The following PAX5 variants were observed in gnomAD, a reference collection of about 807,000 sequenced individuals.
The protein encoded by PAX5 is paired box protein Pax-5.
Under a neutral mutation model 43.7 loss-of-function variants are expected in PAX5, and 9 were observed. That is an observed-to-expected ratio of 0.21 (90% confidence interval 0.12 to 0.36). The LOEUF (loss-of-function observed/expected upper bound fraction) is 0.36, where lower values mean the gene tolerates loss of function less well. Among genes scored for constraint, PAX5 ranks in the 10% least tolerant of loss-of-function variants. The pLI is 1.00. For missense variants in PAX5, 383 were observed against 532.7 expected (o/e 0.72, Z 2.77); for synonymous variants, 228 against 214.3 (o/e 1.06, Z -0.56).
intron 8 of PAX5, among the ~76,000 whole-genome samples, chr9:36,856,207 CT>C (rs1490913377): frequency 6.6e-6 from 1 of 152,226 alleles, no homozygotes; most frequent in Non-Finnish European, 1.5e-5. Flanking sequence ...GAGCCAGCCC[CT>C]TTCAGAGTCA....
intron 5 of PAX5, among the ~76,000 whole-genome samples, chr9:36,969,665 T>A (rs565038886): frequency 6.6e-6 from 1 of 152,206 alleles, no homozygotes; most frequent in Admixed American, 6.5e-5. Flanking sequence ...GAGTCAGCCA[T>A]AGCCTCTGCC....
rs1350171840 is a variant in PAX5, at chr9:36,987,377, G to A, written c.604+15271C>T. On this transcript the variant is annotated intron_variant, in intron 5 of 9. Coordinates refer to ENST00000358127, the MANE Select transcript of PAX5 (RefSeq NM_016734.3). ...GTTCAGAAATGTGTCCCTTGCCACA[G>A]AGCGGGTATGTGAGATGAACTACAA... Among the ~76,000 whole-genome samples the A allele has an allele frequency of 4.4e-4, 67 of 152,246 alleles. 2 individuals carry two copies. Among genetic ancestry groups the A allele is most frequent in the Admixed American group, 4.3e-3 (65 of 15,284 alleles).
intron 7 of PAX5, among the ~76,000 whole-genome samples, chr9:36,911,553 C>T (rs534450662): frequency 6.6e-6 from 1 of 152,344 alleles, no homozygotes; most frequent in African/African-American, 2.4e-5. Context: ...TCATCCTGCA[C>T]TGTAGCTCTT....
intron 7 of PAX5, among the ~76,000 whole-genome samples, chr9:36,921,924 C>A (rs4880037): frequency 0.66 from 100,924 of 151,948 alleles, 35,370 homozygotes; most frequent in East Asian, 0.88. Context: ...GGGGAGGGGA[C>A]CCCCTCGGAC....
rs1266623024 is a variant in PAX5, at chr9:36,837,124, A to C, written c.*3436T>G. Reference sequence around the variant, plus strand: ...GTGGGGGAGTGTCTTTAAGCCATACACTCCCATGACAGGAGCACAACTCGG... The same window carrying C: ...GTGGGGGAGTGTCTTTAAGCCATACCCTCCCATGACAGGAGCACAACTCGG... On this transcript the variant is annotated 3_prime_UTR_variant, in exon 10 of 10. Transcript: ENST00000358127. The C allele has an allele frequency of 4.3e-6, 1 of 232,346 alleles. No individual in the cohort carries two copies. The highest frequency in any genetic ancestry group is 8.5e-6 in the Non-Finnish European group (1 of 117,852). The allele number at this position is 232,346 out of a possible 1,614,324, so 14.4% of individuals were successfully genotyped here. A position where few individuals can be genotyped will look rare whatever the true frequency, so the allele number is the denominator to read the frequency against.
intron 5 of PAX5, among the ~76,000 whole-genome samples, chr9:37,000,424 G>C (rs1393843367): frequency 6.6e-6 from 1 of 152,108 alleles, no homozygotes; most frequent in Non-Finnish European, 1.5e-5. Context: ...TGAGGATCAG[G>C]ACTCTACCAT....
chr9:36,985,976 A>G (rs1425701573), intron 5 of PAX5, among the ~76,000 whole-genome samples: 3 of 152,160 alleles, frequency 2.0e-5, no homozygotes, highest in African/African-American at 7.2e-5. Flanking sequence ...AGGAATGATC[A>G]AGAACTCCCA....
rs1005501811 is a variant in PAX5 at position 36,838,329 on chromosome 9, A to T, written c.*2231T>A. ...CCATCTCTCACTGCTCTTACTGTCA[A>T]CTCTCCTCAGGAATAGGAGATGTGG... On this transcript the variant is annotated 3_prime_UTR_variant, in exon 10 of 10. Coordinates refer to ENST00000358127, the MANE Select transcript of PAX5 (RefSeq NM_016734.3). The T allele has an allele frequency of 8.6e-6, 2 of 231,748 alleles. No homozygotes were observed. The highest frequency in any genetic ancestry group is 4.4e-5 in the African/African-American group (2 of 45,064). 14.4% of individuals were successfully genotyped at this position (231,748 alleles called of 1,614,324 possible).
At chr9:36,881,663 G>A (rs1044681277) in intron 8 of PAX5, among the ~76,000 whole-genome samples, 1 of 151,958 alleles carries the variant, frequency 6.6e-6, no homozygotes, top group African/African-American at 2.4e-5. Flanking sequence ...GCGGGGGCCG[G>A]GAGGGAGGGA....
At chr9:37,025,760 C>G (rs117971603) in intron 1 of PAX5, among the ~76,000 whole-genome samples, 1 of 152,258 alleles carries the variant, frequency 6.6e-6, no homozygotes, top group Non-Finnish European at 1.5e-5. Context: ...TTCCCGTCTC[C>G]TACACACGCT....
intron 7 of PAX5, among the ~76,000 whole-genome samples, chr9:36,910,581 G>T (rs1829186064): frequency 6.6e-6 from 1 of 152,200 alleles, no homozygotes; most frequent in Non-Finnish European, 1.5e-5. Context: ...GCCAGGCTAA[G>T]GGGTGTGTTG....
At chr9:36,926,151 C>T (rs1830623149) in intron 6 of PAX5, among the ~76,000 whole-genome samples, 1 of 152,206 alleles carries the variant, frequency 6.6e-6, no homozygotes, top group African/African-American at 2.4e-5. Flanking sequence ...GTTCATACAG[C>T]TTCTAGGTGC....
At chr9:36,881,387 A>T (rs932454922) in intron 8 of PAX5, among the ~76,000 whole-genome samples, 1 of 152,176 alleles carries the variant, frequency 6.6e-6, no homozygotes. Context: ...ACACCCAGAC[A>T]GCCAGTACCG....
At chr9:36,863,530 G>A (rs75966320) in intron 8 of PAX5, among the ~76,000 whole-genome samples, 1,720 of 152,292 alleles carry the variant, frequency 0.011, 22 homozygotes, top group Admixed American at 0.036. Context: ...TGCAGAAGCC[G>A]AGGCCCAGCA....
chr9:36,844,439 G>A (rs1822368060), intron 9 of PAX5, among the ~76,000 whole-genome samples: 2 of 151,938 alleles, frequency 1.3e-5, no homozygotes, highest in South Asian at 2.1e-4. Flanking sequence ...AATAATATGT[G>A]CTCTGTAGGG....
Position 36,976,755 on chromosome 9 carries a change from G to A in PAX5, c.605-10031C>T, listed in dbSNP as rs548640398. ...CCAAATACGTTCAGGTTTGACCAGA[G>A]TGAATCCGATTGTGCCGGGTGTTAC... On this transcript the variant is annotated intron_variant, in intron 5 of 9. Coordinates refer to ENST00000358127, the MANE Select transcript of PAX5 (RefSeq NM_016734.3). Among the ~76,000 whole-genome samples, 5 of 152,388 alleles carry A rather than the reference G, an allele frequency of 3.3e-5. No individual in the cohort carries two copies. The East Asian group carries it at 9.6e-4, about 29-fold the overall frequency.
At chr9:36,907,813 G>A (rs143412025) in intron 7 of PAX5, among the ~76,000 whole-genome samples, 4 of 152,164 alleles carry the variant, frequency 2.6e-5, no homozygotes, top group East Asian at 1.9e-4. Flanking sequence ...ATACCAAATC[G>A]CCAACTCTGA....
At chr9:37,018,378 G>A (rs904477555) in intron 2 of PAX5, among the ~76,000 whole-genome samples, 12 of 151,710 alleles carry the variant, frequency 7.9e-5, no homozygotes, top group African/African-American at 2.4e-4. Context: ...TAGCCCCTCC[G>A]AAGCCTTGAG....
At chr9:36,848,935 C>A (rs553854866) in intron 8 of PAX5, among the ~76,000 whole-genome samples, 1 of 152,200 alleles carries the variant, frequency 6.6e-6, no homozygotes, top group African/African-American at 2.4e-5. Context: ...ATAGGATGTG[C>A]CTAAGTCAGT....
Sources: allele counts gnomAD v4.1 joint callset (sites outside exome capture counted in the v4.1 genomes callset), GRCh38; gene constraint gnomAD v4.1.1; transcripts MANE v1.5; gene names NCBI Gene and HGNC (gene_info 2026-07-23, HGNC 2026-07-21).